The following NSD3 variants were observed in gnomAD, a reference collection of about 807,000 sequenced individuals.
NSD3 encodes nuclear receptor binding SET domain protein 3, also known as histone-lysine N-methyltransferase NSD3.
In NSD3, 24 loss-of-function variants were observed where a neutral mutation model predicts 160.8. The ratio of observed to expected loss-of-function variants is 0.15; its 90% CI spans 0.11 to 0.21. The LOEUF (loss-of-function observed/expected upper bound fraction) is 0.21, where lower values mean the gene tolerates loss of function less well. Among genes scored for constraint, NSD3 ranks in the 10% least tolerant of loss-of-function variants. The probability of loss-of-function intolerance (pLI) is 1.00; values close to 1 mark genes in which losing one functional copy is unlikely to be tolerated. For missense variants in NSD3, 1,157 were observed against 1,735.9 expected (o/e 0.67, Z 5.93); for synonymous variants, 520 against 600.0 (o/e 0.87, Z 1.95).
At chr8:38,289,760 G>T (rs946939713) in intron 17 of NSD3, among the ~76,000 whole-genome samples, 8 of 152,204 alleles carry the variant, frequency 5.3e-5, no homozygotes, top group African/African-American at 1.9e-4. Context: ...AAGTCTCCAA[G>T]TGACCCTAAG....
chr8:38,345,609 A>G (rs374009942), intron 2 of NSD3, among the ~76,000 whole-genome samples: 5 of 152,122 alleles, frequency 3.3e-5, no homozygotes, highest in Non-Finnish European at 7.3e-5. Flanking sequence ...AAAACCCTTA[A>G]ATTAAAATCT....
intron 14 of NSD3, among the ~76,000 whole-genome samples, chr8:38,301,567 C>G (rs539042526): frequency 6.6e-6 from 1 of 151,742 alleles, no homozygotes; most frequent in East Asian, 1.9e-4. Context: ...GCAACAAGAG[C>G]AAAACTCTGT....
intron 15 of NSD3, among the ~76,000 whole-genome samples, chr8:38,296,674 C>CTGTGTGTGTGTGTGTGTGTG (rs57485296): frequency 7.0e-6 from 1 of 142,188 alleles, no homozygotes; most frequent in African/African-American, 2.7e-5. Flanking sequence ...CTCTCTCCCT[C>CTGTGTGTGTGTGTGTGTGTG]TGTGTGTGTG....
Position 38,329,977 on chromosome 8 carries a change from T to C in NSD3, c.1066-84A>G. 1 of 1,454,376 alleles carries C rather than the reference T, an allele frequency of 6.9e-7. No individual in the cohort carries two copies. Among genetic ancestry groups the C allele is most frequent in the Non-Finnish European group, 9.1e-7 (1 of 1,093,750 alleles). 90.1% of individuals were successfully genotyped at this position (1,454,376 alleles called of 1,614,324 possible). A position where few individuals can be genotyped will look rare whatever the true frequency, so the allele number is the denominator to read the frequency against. ...ATATGTATTTCCCATGTGATCCTGTTATCTTTTCAGGTCTACATAAATATC... is the reference window on the plus strand; with the variant it reads ...ATATGTATTTCCCATGTGATCCTGTCATCTTTTCAGGTCTACATAAATATC... On this transcript the variant is annotated intron_variant, in intron 5 of 23. Transcript: ENST00000317025. The surrounding 1 kb of genome is among the most constrained non-coding windows in gnomAD (Gnocchi z 4.8).
At chr8:38,297,904 A>C (rs1370659517) in intron 15 of NSD3, among the ~76,000 whole-genome samples, 3 of 152,184 alleles carry the variant, frequency 2.0e-5, no homozygotes. Context: ...ATTAGTACTG[A>C]CCTAGAAAAG....
Position 38,318,042 on chromosome 8 carries a change from TG to T in NSD3, c.1855+852del. The stretch of plus-strand genomic sequence containing the variant: ...TGCACTCCCCGGTCCGCCGACCCTG[TG>T]GAATGGTGGAAACACAACGCAATCA... On this transcript the variant is annotated intron_variant, in intron 9 of 23. Coordinates refer to ENST00000317025, the MANE Select transcript of NSD3 (RefSeq NM_023034.2). The surrounding 1 kb of genome is among the most constrained non-coding windows in gnomAD (Gnocchi z 5.3). The T allele has an allele frequency of 6.2e-7, 1 of 1,613,922 alleles. No homozygotes were observed. The highest frequency in any genetic ancestry group is 8.5e-7 in the Non-Finnish European group (1 of 1,179,966).
Position 38,306,841 on chromosome 8 carries a change from G to A in NSD3, c.2243-1396C>T, listed in dbSNP as rs1330130226. Among the ~76,000 whole-genome samples, 3 of 152,098 alleles carry A rather than the reference G, an allele frequency of 2.0e-5. No homozygotes were observed. The East Asian group carries it at 5.8e-4, about 29-fold the overall frequency. On this transcript the variant is annotated intron_variant, in intron 12 of 23. Transcript: ENST00000317025. ...ATAAAACAGAAAAAAACGGCCAGGC[G>A]CGGTGGCTCATGCCTGTAATCCCAG...
rs1235103471 is a variant in NSD3, at chr8:38,274,982, C to G, written c.*659G>C. The G allele has an allele frequency of 2.3e-5, 5 of 213,772 alleles. No individual in the cohort carries two copies. The highest frequency in any genetic ancestry group is 4.7e-5 in the Non-Finnish European group (5 of 105,920). 13.2% of individuals were successfully genotyped at this position (213,772 alleles called of 1,614,324 possible). ...AGGTAAAGTTACCATAGTACAAAGC[C>G]CACCTTGTTTAAGACCACAGAGGTA... On this transcript the variant is annotated 3_prime_UTR_variant, in exon 24 of 24. Transcript: ENST00000317025.
In NSD3 at chr8:38,295,919, G is replaced by C. The variant is rs1809125052; in HGVS notation, c.2792C>G (p.Ala931Gly). 1.2e-6 allele frequency: 2 copies of C among 1,613,730 alleles called. No individual in the cohort carries two copies. The highest frequency in any genetic ancestry group is 1.7e-6 in the Non-Finnish European group (2 of 1,179,858). ...GCTTAGGCATTCCGGGTGGAAGGAA[G>C]CTGGGCACGATTCACAGCAGAGCAA... ...GRLLCCESCPASFHPECLSIE... is the reference protein window; with the variant it reads ...GRLLCCESCPGSFHPECLSIE... Residue 931 changes from alanine (A) to glycine (G), a missense_variant, in exon 16 of 24, where the codon GCT (alanine) becomes GGT (glycine). By Grantham distance (60) the Ala-to-Gly change is moderately conservative. Coordinates refer to ENST00000317025, the MANE Select transcript of NSD3 (RefSeq NM_023034.2).
intron 4 of NSD3, among the ~76,000 whole-genome samples, chr8:38,334,899 T>C (rs1810174480): frequency 6.6e-6 from 1 of 152,010 alleles, no homozygotes; most frequent in Admixed American, 6.5e-5. Context: ...TAACCTAAAA[T>C]TTCAGACTTC....
chr8:38,315,873 A>G (rs1401197797), intron 10 of NSD3, 39 bp downstream of exon 10: 8 of 1,587,706 alleles, frequency 5.0e-6, no homozygotes, highest in African/African-American at 1.4e-5. Context: ...CATTATGTTC[A>G]AGAAAGAACA....
At chr8:38,292,598 T>C (rs908824595) in intron 16 of NSD3, among the ~76,000 whole-genome samples, 5 of 151,364 alleles carry the variant, frequency 3.3e-5, no homozygotes, top group Non-Finnish European at 5.9e-5. Flanking sequence ...CTGGCCAACA[T>C]GGTGAAACCC....
At position 38,347,602 on chromosome 8, in the gene NSD3, A is replaced by G. The variant is rs368325278; in HGVS notation, c.570T>C (p.His190=). 18 of 1,613,842 alleles carry G rather than the reference A, an allele frequency of 1.1e-5. No individual in the cohort carries two copies. In the African/African-American group the frequency reaches 1.2e-4, roughly 11 times the overall value. ...TTTTCCTCTTTTCTTTTCTGCTTTC[A>G]TGCTTTGATTTCGTGTGCTCACTTG... ...VQASEHTKSK[H]ESRKEKRKKS... Residue 190 remains histidine, a synonymous_variant, in exon 2 of 24, where the codon CAT becomes CAC. Coordinates refer to ENST00000317025, the MANE Select transcript of NSD3 (RefSeq NM_023034.2).
Position 38,275,558 on chromosome 8 carries a change from A to G in NSD3, c.*83T>C, listed in dbSNP as rs1808578064. On this transcript the variant is annotated 3_prime_UTR_variant, in exon 24 of 24. Transcript: ENST00000317025. The stretch of plus-strand genomic sequence containing the variant: ...AGGCAGTTCCGATGGCAAAGGCTGT[A>G]TGCACTGTAGCAGTCTCTTCTTTTT... 1 of 1,333,700 alleles carries G rather than the reference A, an allele frequency of 7.5e-7. No homozygotes were observed. Among genetic ancestry groups the G allele is most frequent in the Middle Eastern group, 2.3e-4 (1 of 4,272 alleles). The allele number at this position is 1,333,700 out of a possible 1,614,324, so 82.6% of individuals were successfully genotyped here.
rs565709775 is a variant in NSD3, at chr8:38,372,495, C to CTTTTTT, written c.-45+9298_-45+9303dup. ...CGCATGCTTATGAATTCTTCAGGTT[C>CTTTTTT]TTTTTTTTTTTTTTTTTGAGACACA... is the stretch of plus-strand genomic sequence containing the variant. On this transcript the variant is annotated intron_variant, in intron 1 of 23. Transcript: ENST00000317025. Among the ~76,000 whole-genome samples the CTTTTTT allele has an allele frequency of 8.3e-5, 11 of 132,726 alleles. No homozygotes were observed. The East Asian group carries it at 2.4e-3, about 29-fold the overall frequency. 87.1% of individuals were successfully genotyped at this position (132,726 alleles called of 152,430 possible).
intron 17 of NSD3, among the ~76,000 whole-genome samples, 181 bp downstream of exon 17, chr8:38,290,294 A>G (rs1180689264): frequency 1.3e-5 from 2 of 152,152 alleles, no homozygotes; most frequent in African/African-American, 4.8e-5. Flanking sequence ...TACACAGCAC[A>G]GTCTACAATA....
Position 38,275,753 on chromosome 8 carries a change from C to T in NSD3, c.4202G>A (p.Gly1401Asp), listed in dbSNP as rs1253097616. 3.1e-6 allele frequency: 5 copies of T among 1,614,064 alleles called. No individual in the cohort carries two copies. Among genetic ancestry groups the T allele is most frequent in the Middle Eastern group, 1.6e-4 (1 of 6,084 alleles). ...GTCATGTTCCGAGCAGCAGAGGCGG[C>T]CTTCCAGTGCAGAGGGAACCAGGGC... Reference protein sequence around the residue: ...KGALVPSALEGRLCCSEHDPM... With the variant: ...KGALVPSALEDRLCCSEHDPM... The change falls in exon 24 of 24, where the codon GGC (glycine) becomes GAC (aspartate). Residue 1401 changes from glycine (G) to aspartate (D), a missense_variant. Gly to Asp is a moderately conservative substitution (Grantham distance 94). This residue lies in a region of NSD3 where 222 missense variants were observed against 409.9 expected (regional missense o/e 0.54). Transcript: ENST00000317025.
intron 12 of NSD3, among the ~76,000 whole-genome samples, chr8:38,305,879 C>T (rs1809380842): frequency 6.6e-6 from 1 of 152,028 alleles, no homozygotes; most frequent in Admixed American, 6.6e-5. Context: ...TACAGCTAGA[C>T]ATATCTTATT....
At chr8:38,378,825 CAAAAAA>C (rs201408423) in intron 1 of NSD3, among the ~76,000 whole-genome samples, 1 of 87,370 alleles carries the variant, frequency 1.1e-5, no homozygotes. Context: ...CTCCATCTCT[CAAAAAA>C]AAAAAAAAAA....
Sources: allele counts gnomAD v4.1 joint callset (sites outside exome capture counted in the v4.1 genomes callset), GRCh38; gene constraint gnomAD v4.1.1; regional missense constraint gnomAD v4.1.1; non-coding constraint Gnocchi (gnomAD v3.1); transcripts MANE v1.5; gene names NCBI Gene and HGNC (gene_info 2026-07-23, HGNC 2026-07-21).